The following FGF14 variants were observed in gnomAD, a reference collection of about 807,000 sequenced individuals.
FGF14 encodes the protein fibroblast growth factor 14, also known as fibroblast growth factor homologous factor 4.
Under a neutral mutation model 25.5 loss-of-function variants are expected in FGF14, and 5 were observed. The observed-to-expected ratio is 0.20, with a 90% CI of 0.10 to 0.41. The LOEUF (loss-of-function observed/expected upper bound fraction) is 0.41, where lower values mean the gene tolerates loss of function less well. FGF14 is among the 10% of genes least tolerant of loss of function. FGF14 has a pLI of 1.00. For synonymous variants in FGF14, 138 were observed against 118.3 expected (o/e 1.17, Z -1.08); for missense variants, 222 against 320.1 (o/e 0.69, Z 2.34).
upstream of FGF14, among the ~76,000 whole-genome samples, chr13:101,918,699 T>A (rs1036747784): frequency 1.9e-4 from 29 of 152,232 alleles, no homozygotes; most frequent in African/African-American, 6.5e-4. Context: ...ACTGCTGGGC[T>A]GTTGTTTGTT....
chr13:102,325,588 TC>T (rs879260353), intron 1 of FGF14, among the ~76,000 whole-genome samples: 17 of 152,170 alleles, frequency 1.1e-4, no homozygotes, highest in Admixed American at 6.5e-4. Flanking sequence ...GTAAGGCCCT[TC>T]CTTCCTTCAA....
At chr13:101,735,970 C>G (rs1429874733) in intron 3 of FGF14, among the ~76,000 whole-genome samples, 1 of 152,148 alleles carries the variant, frequency 6.6e-6, no homozygotes, top group Non-Finnish European at 1.5e-5. Context: ...TTAAACATTT[C>G]TGGATTATCT....
At chr13:102,072,211 G>A (rs551988720) in intron 1 of FGF14, among the ~76,000 whole-genome samples, 1 of 152,106 alleles carries the variant, frequency 6.6e-6, no homozygotes, top group East Asian at 1.9e-4. Flanking sequence ...GGAATTTCAG[G>A]ACACAAAATT....
chr13:101,725,506 T>C (rs2035359306), intron 4 of FGF14, among the ~76,000 whole-genome samples: 1 of 152,070 alleles, frequency 6.6e-6, no homozygotes, highest in Admixed American at 6.6e-5. Flanking sequence ...AGAAGTAGTA[T>C]TAGCCAACAA....
chr13:102,068,672 T>C (rs540773035), intron 1 of FGF14, among the ~76,000 whole-genome samples: 28 of 152,318 alleles, frequency 1.8e-4, no homozygotes, highest in Admixed American at 1.3e-3. Flanking sequence ...CCACCGGCGC[T>C]GTGCTCGATT....
At chr13:102,346,737 T>C (rs2057118052) in intron 1 of FGF14, among the ~76,000 whole-genome samples, 1 of 152,238 alleles carries the variant, frequency 6.6e-6, no homozygotes, top group Admixed American at 6.5e-5. Context: ...CATTAATTGC[T>C]GATTTTAAAT....
chr13:101,906,922 A>G (rs1190069577), intron 1 of FGF14, among the ~76,000 whole-genome samples: 2 of 152,190 alleles, frequency 1.3e-5, no homozygotes, highest in Non-Finnish European at 2.9e-5. Context: ...AACGTTCCAC[A>G]TAGAGAAAAT....
intron 1 of FGF14, among the ~76,000 whole-genome samples, chr13:101,892,294 C>T (rs2029877765): frequency 1.3e-5 from 2 of 152,004 alleles, no homozygotes; most frequent in Non-Finnish European, 2.9e-5. Flanking sequence ...TGTAGGTTCC[C>T]ACTGTACATT....
intron 1 of FGF14, chr13:102,394,903 A>T (rs1595051213): frequency 6.6e-6 from 1 of 151,980 alleles, no homozygotes; most frequent in Non-Finnish European, 1.5e-5. Context: ...ATAATGACAC[A>T]CTTCTCTGGA....
intron 1 of FGF14, among the ~76,000 whole-genome samples, chr13:102,073,703 A>C (rs1162766620): frequency 6.6e-6 from 1 of 152,214 alleles, no homozygotes; most frequent in South Asian, 2.1e-4. Context: ...AATAACAATC[A>C]AATGGAAGAT....
intron 1 of FGF14, among the ~76,000 whole-genome samples, chr13:102,126,928 C>T (rs1249064850): frequency 1.3e-5 from 2 of 152,058 alleles, no homozygotes; most frequent in African/African-American, 2.4e-5. Flanking sequence ...GAAGATTTAA[C>T]TGTTGTCATT....
At chr13:102,204,367 TA>T (rs1414833311) in intron 1 of FGF14, among the ~76,000 whole-genome samples, 2 of 152,126 alleles carry the variant, frequency 1.3e-5, no homozygotes, top group African/African-American at 4.8e-5. Flanking sequence ...TTGGGCTGGA[TA>T]AACTGGACAA....
At chr13:102,219,840 A>G (rs1566830086) in intron 1 of FGF14, among the ~76,000 whole-genome samples, 1 of 152,164 alleles carries the variant, frequency 6.6e-6, no homozygotes, top group Non-Finnish European at 1.5e-5. Flanking sequence ...TAACCCAGGG[A>G]CATTACTTGT....
chr13:101,848,516 T>C (rs188938338), intron 3 of FGF14, among the ~76,000 whole-genome samples: 1 of 152,052 alleles, frequency 6.6e-6, no homozygotes, highest in South Asian at 2.1e-4. Flanking sequence ...ACACATTCCT[T>C]CAGCGAGAAT....
At chr13:102,313,279 CAGCCGTGGAAAT>C (rs1327090492) in intron 1 of FGF14, among the ~76,000 whole-genome samples, 1 of 152,204 alleles carries the variant, frequency 6.6e-6, no homozygotes, top group Non-Finnish European at 1.5e-5. Flanking sequence ...ACAGGGAAAG[CAGCCGTGGAAAT>C]AGCTCAATTA....
chr13:102,300,635 A>G (rs1210454295), intron 1 of FGF14, among the ~76,000 whole-genome samples: 1 of 152,110 alleles, frequency 6.6e-6, no homozygotes, highest in Non-Finnish European at 1.5e-5. Context: ...CAACCCCATC[A>G]GATTTTAAGC....
rs1173962600 is a variant in FGF14, at chr13:102,006,245, A to G, written c.209-130949T>C. On this transcript the variant is annotated intron_variant, in intron 1 of 4. Transcript: ENST00000376131. ...CATGTAAATCTGAAATTATTTCAAGAAAAATTGTTACAAAAAACTTATTTG... is the reference window on the plus strand; with the variant it reads ...CATGTAAATCTGAAATTATTTCAAGGAAAATTGTTACAAAAAACTTATTTG... 3.3e-5 allele frequency among the ~76,000 whole-genome samples: 5 copies of G among 152,354 alleles called. No homozygotes were observed. The East Asian group carries it at 5.8e-4, about 18-fold the overall frequency.
At chr13:101,878,820 G>A (rs1056761673) in intron 1 of FGF14, among the ~76,000 whole-genome samples, 1 of 151,952 alleles carries the variant, frequency 6.6e-6, no homozygotes, top group Non-Finnish European at 1.5e-5. Flanking sequence ...ACATGTGTAA[G>A]ACAAACATGT....
At chr13:101,780,048 A>G (rs555681816) in intron 3 of FGF14, among the ~76,000 whole-genome samples, 1 of 152,238 alleles carries the variant, frequency 6.6e-6, no homozygotes, top group Non-Finnish European at 1.5e-5. Flanking sequence ...TGATTCAGCT[A>G]CTTCTTAACT....
Sources: allele counts gnomAD v4.1 joint callset (sites outside exome capture counted in the v4.1 genomes callset), GRCh38; gene constraint gnomAD v4.1.1; transcripts MANE v1.5; gene names NCBI Gene and HGNC (gene_info 2026-07-23, HGNC 2026-07-21).